Variants in SPATA22 observed in about 807,000 individuals in gnomAD.
SPATA22 encodes the protein spermatogenesis associated 22.
A neutral mutation model predicts 47.8 loss-of-function variants in SPATA22; 29 were observed. That is an observed-to-expected ratio of 0.61 (90% CI 0.45 to 0.83). The LOEUF (loss-of-function observed/expected upper bound fraction) is 0.83. SPATA22 is among the 40% of genes least tolerant of loss of function. The probability of loss-of-function intolerance (pLI) is 0.00; values close to 1 mark genes in which losing one functional copy is unlikely to be tolerated. For synonymous variants in SPATA22, 133 were observed against 140.9 expected, an observed-to-expected ratio of 0.94 and a Z score of 0.40; for missense variants, 410 against 421.7, an observed-to-expected ratio of 0.97 and a Z score of 0.24.
At chr17:3,495,739 T>C (rs575373440) in intron 1 of SPATA22, among the ~76,000 whole-genome samples, 2 of 152,208 alleles carry the variant, frequency 1.3e-5, no homozygotes, top group East Asian at 1.9e-4. Context: ...CGGCTAACTT[T>C]TGTATTTTTA....
In SPATA22 at chr17:3,490,279, A is replaced by G. The variant is rs1386466039; in HGVS notation, c.-73-20881T>C. On this transcript the variant is annotated intron_variant, in intron 1 of 8. Transcript: ENST00000541913. The surrounding 1 kb of genome is among the most constrained non-coding windows in gnomAD (Gnocchi z 4.6). ...AAATTAATTAAACGGGGACTGGTGG[A>G]CAAGGTGGGTATATGCAGCTCTATG... 1.3e-5 allele frequency among the ~76,000 whole-genome samples: 2 copies of G among 152,230 alleles called. No homozygotes were observed. Among genetic ancestry groups the G allele is most frequent in the East Asian group, 3.8e-4 (2 of 5,202 alleles).
At chr17:3,481,850 G>A in intron 1 of SPATA22, 1 of 1,442,732 alleles carries the variant, frequency 6.9e-7, no homozygotes, top group Non-Finnish European at 9.5e-7. Context: ...GTACTTTTAA[G>A]TCAATTATGG....
chr17:3,468,770 T>C (rs1384844881), intron 2 of SPATA22: 1 of 248,746 alleles, frequency 4.0e-6, no homozygotes, highest in East Asian at 1.8e-4. Flanking sequence ...GGTGTAAAGA[T>C]TAAATAAATT....
At position 3,500,577 on chromosome 17, in the gene SPATA22, A is replaced by C. The variant is rs571255214; in HGVS notation, c.-74+12835T>G. ...GAGTGCAGTGGCGCAATCTCGGCTC[A>C]CTGCAAGCTCCGCCTCCCAGGTTCA... On this transcript the variant is annotated intron_variant, in intron 1 of 8. Coordinates refer to the SPATA22 transcript ENST00000541913. 5 of 152,020 alleles carry C rather than the reference A, an allele frequency of 3.3e-5. No homozygotes were observed. The East Asian group carries it at 9.7e-4, about 29-fold the overall frequency. The allele number at this position is 152,020 out of a possible 1,614,324, so 9.4% of individuals were successfully genotyped here.
intron 1 of SPATA22, among the ~76,000 whole-genome samples, chr17:3,510,013 G>A (rs1025136958): frequency 2.0e-5 from 3 of 152,156 alleles, no homozygotes; most frequent in South Asian, 4.1e-4. Context: ...TGATGGGGTT[G>A]TTTTTTTCTT....
At chr17:3,498,824 G>T in intron 1 of SPATA22, 1 of 1,356,734 alleles carries the variant, frequency 7.4e-7, no homozygotes, top group Non-Finnish European at 9.8e-7. Context: ...GTTGTCTAGA[G>T]TCTGACATAA....
At chr17:3,449,897 G>A (rs2072817519) in intron 5 of SPATA22, among the ~76,000 whole-genome samples, 2 of 152,022 alleles carry the variant, frequency 1.3e-5, no homozygotes, top group Non-Finnish European at 2.9e-5. Flanking sequence ...CTGTTACCCA[G>A]GCTGGAATGT....
At chr17:3,502,562 G>A (rs2074003268) in intron 1 of SPATA22, 1 of 152,202 alleles carries the variant, frequency 6.6e-6, no homozygotes, top group Admixed American at 6.5e-5. Context: ...CTGTTTTGTA[G>A]ATGAAATATG....
At chr17:3,461,960 C>G (rs1262428993) in intron 5 of SPATA22, among the ~76,000 whole-genome samples, 6 of 152,164 alleles carry the variant, frequency 3.9e-5, no homozygotes, top group Non-Finnish European at 8.8e-5. Context: ...GTCCTTATGG[C>G]AAGAACCCTC....
intron 5 of SPATA22, among the ~76,000 whole-genome samples, chr17:3,460,860 G>A (rs2073110618): frequency 6.7e-6 from 1 of 150,084 alleles, no homozygotes; most frequent in South Asian, 2.1e-4. Flanking sequence ...CTCCTCAACT[G>A]AGATGTCTTA....
chr17:3,485,473 A>G lies in SPATA22; in HGVS notation c.-73-16075T>C, dbSNP rs60666840. ...GGTTGCAGTGAGCCGAGATCATGCC[A>G]TTGCACTCCAGCCGGGGCAACAAAA... On this transcript the variant is annotated intron_variant, in intron 1 of 8. Transcript: ENST00000541913. The surrounding 1 kb of genome is among the most constrained non-coding windows in gnomAD (Gnocchi z 4.4). Among the ~76,000 whole-genome samples the G allele has an allele frequency of 3.6e-3, 550 of 152,332 alleles. 5 individuals are homozygous for G. Among genetic ancestry groups the G allele is most frequent in the African/African-American group, 0.012 (502 of 41,574 alleles).
chr17:3,450,402 C>A (rs565795010), intron 5 of SPATA22, among the ~76,000 whole-genome samples: 1 of 152,274 alleles, frequency 6.6e-6, no homozygotes. Context: ...AAGTTATAAA[C>A]ACCACAAACA....
At chr17:3,501,608 A>G (rs1334344651) in intron 1 of SPATA22, 1 of 166,236 alleles carries the variant, frequency 6.0e-6, no homozygotes, top group Non-Finnish European at 1.3e-5. Context: ...TATTACGTAA[A>G]CATAGTTGAT....
At chr17:3,496,727 C>CAGTAGCGT (rs2073913131) in intron 1 of SPATA22, among the ~76,000 whole-genome samples, 1 of 152,338 alleles carries the variant, frequency 6.6e-6, no homozygotes, top group East Asian at 1.9e-4. Flanking sequence ...TAAAGTAGCG[C>CAGTAGCGT]TTCTCAAACT....
In SPATA22 at chr17:3,471,746, C is replaced by T. The variant is rs1371815016; in HGVS notation, c.-138G>A. On this transcript the variant is annotated 5_prime_UTR_variant, in exon 1 of 9. Coordinates refer to ENST00000572969, the MANE Select transcript of SPATA22 (RefSeq NM_001170698.2). ...AACTTTCGCCCTCAGTTTCCCTCGCCTCCGTCAACCGTCGTCCAGGCGGCC... is the reference window on the plus strand; with the variant it reads ...AACTTTCGCCCTCAGTTTCCCTCGCTTCCGTCAACCGTCGTCCAGGCGGCC... 2 of 985,544 alleles carry T rather than the reference C, an allele frequency of 2.0e-6. No individual in the cohort carries two copies. The highest frequency in any genetic ancestry group is 6.1e-5 in the Admixed American group (1 of 16,276). The allele number at this position is 985,544 out of a possible 1,614,324, so 61.0% of individuals were successfully genotyped here. A position where few individuals can be genotyped will look rare whatever the true frequency, so the allele number is the denominator to read the frequency against.
chr17:3,466,736 C>G (rs1232444215), intron 3 of SPATA22, among the ~76,000 whole-genome samples: 1 of 152,186 alleles, frequency 6.6e-6, no homozygotes, highest in Non-Finnish European at 1.5e-5. Flanking sequence ...GAAGTCAAGG[C>G]TTCTTACTGT....
intron 1 of SPATA22, among the ~76,000 whole-genome samples, chr17:3,505,896 T>C (rs1174677797): frequency 2.0e-5 from 3 of 152,112 alleles, no homozygotes; most frequent in South Asian, 4.1e-4. Flanking sequence ...TAGTTGAGAT[T>C]ACAGGCATGC....
chr17:3,513,444 C>G (rs777547943), exon 1 of SPATA22: 1 of 157,846 alleles, frequency 6.3e-6, no homozygotes, highest in Non-Finnish European at 1.4e-5. Context: ...GATGGGATCA[C>G]GGGTCTCCCA....
Position 3,462,803 on chromosome 17 carries a change from T to C in SPATA22, c.173-36A>G, listed in dbSNP as rs758564550. The stretch of plus-strand genomic sequence containing the variant: ...ATAAGTAACATAGATAAAAGTAAGA[T>C]AGGTAGTATTTTTCAAAATGATAAA... On this transcript the variant is annotated intron_variant, in intron 3 of 8. Transcript: ENST00000572969. 5 of 1,465,970 alleles carry C rather than the reference T, an allele frequency of 3.4e-6. No homozygotes were observed. The East Asian group carries it at 1.1e-4, about 33-fold the overall frequency. The allele number at this position is 1,465,970 out of a possible 1,614,324, so 90.8% of individuals were successfully genotyped here. A position where few individuals can be genotyped will look rare whatever the true frequency, so the allele number is the denominator to read the frequency against.
Sources: gnomAD v4.1 joint callset for allele counts (sites outside exome capture counted in the v4.1 genomes callset) on GRCh38, gnomAD v4.1.1 for gene constraint, Gnocchi (gnomAD v3.1) non-coding constraint, MANE v1.5 for transcripts, NCBI Gene and HGNC (gene_info 2026-07-23, HGNC 2026-07-21) for gene names.